Variants in IL1RAPL1 observed in about 807,000 individuals in gnomAD.
IL1RAPL1 encodes interleukin-1 receptor accessory protein-like 1.
IL1RAPL1 carries 3 observed loss-of-function variants against 48.4 expected under a neutral mutation model. That is an observed-to-expected ratio of 0.06 (90% confidence interval 0.03 to 0.16). IL1RAPL1 has a LOEUF of 0.16. Among genes scored for constraint, IL1RAPL1 ranks in the 10% least tolerant of loss-of-function variants. The pLI is 1.00. For synonymous variants in IL1RAPL1, 185 were observed against 187.7 expected (o/e 0.99, Z 0.12); for missense variants, 349 against 530.6 (o/e 0.66, Z 3.36).
At chrX:29,848,095 T>TA (rs1931285228) in intron 6 of IL1RAPL1, among the ~76,000 whole-genome samples, 1 of 111,503 alleles carries the variant, frequency 9.0e-6, no homozygotes, top group Admixed American at 9.6e-5. Context: ...ATATTTCCTT[T>TA]AAAAAAGTGA....
At chrX:29,688,574 C>G (rs1926689437) in intron 6 of IL1RAPL1, among the ~76,000 whole-genome samples, 1 of 111,610 alleles carries the variant, frequency 9.0e-6, no homozygotes, top group African/African-American at 3.3e-5. Flanking sequence ...ATGGTTATAT[C>G]TTTTGTGGGG....
chrX:29,745,560 T>C (rs1000508790), intron 6 of IL1RAPL1, among the ~76,000 whole-genome samples: 2 of 103,744 alleles, frequency 1.9e-5, no homozygotes, highest in Non-Finnish European at 3.9e-5. Flanking sequence ...AATTCTTCGG[T>C]CCCAGCCTCT....
chrX:29,467,594 C>T (rs942976053), intron 5 of IL1RAPL1, among the ~76,000 whole-genome samples: 2 of 112,090 alleles, frequency 1.8e-5, no homozygotes, highest in African/African-American at 6.5e-5. Context: ...TTGTACTGGC[C>T]TGTGGCAGAG....
intron 5 of IL1RAPL1, among the ~76,000 whole-genome samples, chrX:29,429,795 G>A (rs1267576983): frequency 9.1e-6 from 1 of 110,288 alleles, no homozygotes; most frequent in Non-Finnish European, 1.9e-5. Context: ...CGTTGTGTAG[G>A]TGGTGCTCAG....
chrX:28,836,373 A>ATATATAT (rs1569183041), intron 2 of IL1RAPL1, among the ~76,000 whole-genome samples: 37 of 93,998 alleles, frequency 3.9e-4, no homozygotes, highest in African/African-American at 1.8e-3. Flanking sequence ...TGACAGAGAG[A>ATATATAT]GAGAGAGAGA....
At chrX:29,024,461 A>G (rs1926440068) in intron 2 of IL1RAPL1, among the ~76,000 whole-genome samples, 1 of 111,856 alleles carries the variant, frequency 8.9e-6, no homozygotes, top group Non-Finnish European at 1.9e-5. Context: ...TGACATTTCC[A>G]GTGTGTGATG....
At chrX:28,650,791 G>A (rs1569145366) in intron 1 of IL1RAPL1, among the ~76,000 whole-genome samples, 1 of 111,971 alleles carries the variant, frequency 8.9e-6, no homozygotes, top group Admixed American at 9.5e-5. Context: ...ACTAAAAGTA[G>A]TTTGAAAACT....
intron 1 of IL1RAPL1, among the ~76,000 whole-genome samples, chrX:28,597,072 C>G (rs961871232): frequency 1.8e-5 from 2 of 110,800 alleles, no homozygotes; most frequent in African/African-American, 6.6e-5. Context: ...GTAAGGAGGA[C>G]CAAATGGAGC....
intron 2 of IL1RAPL1, among the ~76,000 whole-genome samples, chrX:28,889,580 CAT>C (rs1922724330): frequency 9.0e-6 from 1 of 111,346 alleles, no homozygotes; most frequent in African/African-American, 3.3e-5. Flanking sequence ...TTTCTGAAGA[CAT>C]ATTTTTTCAC....
At chrX:28,776,009 C>A (rs1433721606) in intron 1 of IL1RAPL1, among the ~76,000 whole-genome samples, 3 of 111,639 alleles carry the variant, frequency 2.7e-5, no homozygotes, top group African/African-American at 9.8e-5. Context: ...TCATGTTTTC[C>A]CTGGCAAGAA....
intron 3 of IL1RAPL1, among the ~76,000 whole-genome samples, chrX:29,355,579 G>A (rs1313623116): frequency 1.8e-5 from 2 of 112,240 alleles, no homozygotes; most frequent in East Asian, 2.8e-4. Context: ...AAATTCAGGT[G>A]TGATGATTAA....
At chrX:28,826,090 C>G (rs747324140) in intron 2 of IL1RAPL1, among the ~76,000 whole-genome samples, 2 of 111,647 alleles carry the variant, frequency 1.8e-5, no homozygotes, top group Non-Finnish European at 3.8e-5. Context: ...TTGCAAAGTT[C>G]TGTAATAGGC....
intron 5 of IL1RAPL1, among the ~76,000 whole-genome samples, chrX:29,495,403 G>A (rs1043352770): frequency 8.9e-6 from 1 of 111,818 alleles, no homozygotes; most frequent in Admixed American, 9.5e-5. Flanking sequence ...TTAGGGCAAA[G>A]AAAGTAGAAA....
At chrX:29,316,143 G>T (rs1046447210) in intron 3 of IL1RAPL1, among the ~76,000 whole-genome samples, 5 of 111,999 alleles carry the variant, frequency 4.5e-5, no homozygotes, top group African/African-American at 1.6e-4. Flanking sequence ...CTTTGTATAT[G>T]ACCCCAGTGC....
intron 6 of IL1RAPL1, among the ~76,000 whole-genome samples, chrX:29,823,722 T>C (rs989489753): frequency 5.4e-5 from 6 of 112,033 alleles, no homozygotes; most frequent in Non-Finnish European, 7.5e-5. Flanking sequence ...ATGATGAATA[T>C]TGAGGTGTCA....
intron 2 of IL1RAPL1, among the ~76,000 whole-genome samples, chrX:28,874,404 T>C (rs1239070427): frequency 8.9e-6 from 1 of 112,328 alleles, no homozygotes; most frequent in Non-Finnish European, 1.9e-5. Context: ...CTTCTACAGC[T>C]ATTGCCTTCA....
chrX:28,756,324 A>G (rs761302926), intron 1 of IL1RAPL1, among the ~76,000 whole-genome samples: 9 of 111,294 alleles, frequency 8.1e-5, no homozygotes, highest in Non-Finnish European at 1.5e-4. Context: ...TTTTTATTTT[A>G]CTAGTGGCTC....
chrX:28,715,226 C>G (rs751805171), intron 1 of IL1RAPL1, among the ~76,000 whole-genome samples: 11 of 112,292 alleles, frequency 9.8e-5, no homozygotes, highest in Non-Finnish European at 1.5e-4. Context: ...CAAATTAAAA[C>G]TAAAGACTAA....
intron 6 of IL1RAPL1, among the ~76,000 whole-genome samples, chrX:29,776,747 G>A (rs764145241): frequency 1.8e-5 from 2 of 111,401 alleles, no homozygotes; most frequent in African/African-American, 3.3e-5. Flanking sequence ...CACAATATTG[G>A]TTGTTGAGAA....
Sources: gnomAD v4.1 joint callset for allele counts (sites outside exome capture counted in the v4.1 genomes callset) on GRCh38, gnomAD v4.1.1 for gene constraint, MANE v1.5 for transcripts, NCBI Gene and HGNC (gene_info 2026-07-23, HGNC 2026-07-21) for gene names.